Variants in SLC6A16 observed in about 807,000 individuals in gnomAD.
The protein encoded by SLC6A16 is solute carrier family 6 member 16.
SLC6A16 carries 54 observed loss-of-function variants against 65.4 expected under a neutral mutation model. The ratio of observed to expected loss-of-function variants is 0.83; its 90% CI spans 0.66 to 1.04. SLC6A16 has a LOEUF of 1.04. Among genes scored for constraint, SLC6A16 ranks in the 50% least tolerant of loss-of-function variants. The pLI is 0.00. For synonymous variants in SLC6A16, 330 were observed against 346.5 expected (o/e 0.95, Z 0.53); for missense variants, 816 against 914.0 (o/e 0.89, Z 1.38).
the SLC6A16 span, chr19:49,337,933 A>C: frequency 6.2e-7 from 1 of 1,614,052 alleles, no homozygotes; most frequent in Non-Finnish European, 8.5e-7. Context: ...AGCTGGAGCG[A>C]AGCTTGCGGG....
chr19:49,309,038 G>A lies in SLC6A16; in HGVS notation c.1067C>T (p.Ser356Phe). ...VLSNTGIGLG[S>F]VASLASYMPQ... ...CATGTAGGAGGCTAAGGAGGCAACG[G>A]AGCCAAGGCCTATGCCTGTGTTAGA... Residue 356 changes from serine to phenylalanine, a missense_variant, in exon 7 of 12, where the codon TCC becomes TTC. By Grantham distance (155) the Ser-to-Phe change is radical. Transcript: ENST00000335875. 2 of 1,614,224 alleles carry A rather than the reference G, an allele frequency of 1.2e-6. No homozygotes were observed. Among genetic ancestry groups the A allele is most frequent in the South Asian group, 1.1e-5 (1 of 91,088 alleles).
chr19:49,294,790 C>G (rs1970154180), intron 7 of SLC6A16, among the ~76,000 whole-genome samples: 1 of 152,122 alleles, frequency 6.6e-6, no homozygotes, highest in Non-Finnish European at 1.5e-5. Context: ...CTACAGTCTT[C>G]TTGGGGACTC....
chr19:49,299,546 A>AGAAAG (rs1555775035), intron 7 of SLC6A16, among the ~76,000 whole-genome samples: 2 of 126,500 alleles, frequency 1.6e-5, no homozygotes, highest in Admixed American at 8.6e-5. Context: ...AAAAAAAAAA[A>AGAAAG]AAAGAAAGAA....
upstream of SLC6A16, among the ~76,000 whole-genome samples, chr19:49,329,292 T>C (rs937689577): frequency 6.6e-6 from 1 of 152,028 alleles, no homozygotes; most frequent in African/African-American, 2.4e-5. Flanking sequence ...TTTCACTATG[T>C]TGGTCAGGCT....
intron 7 of SLC6A16, among the ~76,000 whole-genome samples, chr19:49,305,592 CAAAA>C (rs566209079): frequency 1.9e-5 from 2 of 107,026 alleles, no homozygotes; most frequent in Non-Finnish European, 1.9e-5. Flanking sequence ...AGATCTGTCT[CAAAA>C]AAAAAAAAAA....
At chr19:49,306,780 G>A (rs1403323571) in intron 7 of SLC6A16, among the ~76,000 whole-genome samples, 2 of 151,950 alleles carry the variant, frequency 1.3e-5, no homozygotes, top group Non-Finnish European at 2.9e-5. Flanking sequence ...CTGACCTCGT[G>A]ATCCATCTGC....
At chr19:49,291,738 T>A (rs193257617) in intron 10 of SLC6A16, among the ~76,000 whole-genome samples, 181 of 151,924 alleles carry the variant, frequency 1.2e-3, no homozygotes, top group African/African-American at 4.2e-3. Context: ...TAGTACATAT[T>A]CTCAATCTCA....
In SLC6A16 at chr19:49,295,153, C is replaced by T. The variant is rs116417878; in HGVS notation, c.1230-600G>A. ...TCTTCACTTGGCTAACTCCTACAAA[C>T]CCTTAAAAATTCAGCTCATTGATCG... On this transcript the variant is annotated intron_variant, in intron 7 of 11. Coordinates refer to ENST00000335875, the MANE Select transcript of SLC6A16 (RefSeq NM_014037.3). Among the ~76,000 whole-genome samples, 1,254 of 152,154 alleles carry T rather than the reference C, an allele frequency of 8.2e-3. 25 individuals carry two copies. The highest frequency in any genetic ancestry group is 0.029 in the African/African-American group (1,190 of 41,522).
At chr19:49,315,098 GA>G (rs1374094673) in intron 1 of SLC6A16, among the ~76,000 whole-genome samples, 1 of 151,732 alleles carries the variant, frequency 6.6e-6, no homozygotes, top group Non-Finnish European at 1.5e-5. Context: ...CATCATTTCT[GA>G]AAAATAGGTT....
At chr19:49,330,496 A>G in the SLC6A16 span, among the ~76,000 whole-genome samples, 1 of 152,224 alleles carries the variant, frequency 6.6e-6, no homozygotes, top group Admixed American at 6.5e-5. Context: ...GGACGATCCA[A>G]TGAAGATTGA....
At chr19:49,297,444 G>A (rs1472042625) in intron 7 of SLC6A16, among the ~76,000 whole-genome samples, 1 of 152,206 alleles carries the variant, frequency 6.6e-6, no homozygotes, top group Non-Finnish European at 1.5e-5. Context: ...TGACAAGGAT[G>A]TGGGACAACC....
At chr19:49,301,868 G>A (rs373201710) in intron 7 of SLC6A16, among the ~76,000 whole-genome samples, 3 of 152,120 alleles carry the variant, frequency 2.0e-5, no homozygotes, top group East Asian at 3.9e-4. Context: ...CAAGTGCTCT[G>A]AGCCAAGGAC....
intron 10 of SLC6A16, 151 bp downstream of exon 10, chr19:49,293,072 A>T: frequency 1.5e-6 from 1 of 646,780 alleles, no homozygotes; most frequent in Non-Finnish European, 2.6e-6. Flanking sequence ...TATATGTGAA[A>T]ATGGATGAAT....
rs775956584 is a variant in SLC6A16, at chr19:49,290,307, G to T, written c.2027C>A (p.Ala676Glu). The T allele has an allele frequency of 9.3e-6, 15 of 1,614,118 alleles. No individual in the cohort carries two copies. In the East Asian group the frequency reaches 3.1e-4, roughly 34 times the overall value. Residue 676 changes from alanine to glutamate, a missense_variant, in exon 12 of 12, where the codon GCA (alanine) becomes GAA (glutamate). Ala to Glu is a moderately radical substitution (Grantham distance 107, BLOSUM62 -1). Coordinates refer to ENST00000335875, the MANE Select transcript of SLC6A16 (RefSeq NM_014037.3). ...ATGTATGCGGCAGTATACAAAGTAT[G>T]CAGGGATGGGGAGGATGACAATGGC... is the stretch of plus-strand genomic sequence containing the variant. ...LFAIVILPIP[A>E]YFVYCRIHRI...
chr19:49,340,098 C>T, the SLC6A16 span: 1 of 1,529,600 alleles, frequency 6.5e-7, no homozygotes, highest in Non-Finnish European at 8.8e-7. Flanking sequence ...CGGCAGTTCC[C>T]GTCGAGCCCC....
the SLC6A16 span, chr19:49,335,636 G>T: frequency 6.2e-7 from 1 of 1,611,270 alleles, no homozygotes; most frequent in Non-Finnish European, 8.5e-7. This position sits in a 1 kb window ranked among gnomAD's most constrained non-coding sequence, Gnocchi z 4.6. Flanking sequence ...CTACCCAGCC[G>T]GGGCCCAGCC....
the SLC6A16 span, chr19:49,336,843 G>A: frequency 7.0e-6 from 11 of 1,581,760 alleles, no homozygotes; most frequent in Middle Eastern, 1.7e-4. Flanking sequence ...TGGCTGCCTA[G>A]GTGGGAAATG....
chr19:49,297,459 C>T (rs1164606543), intron 7 of SLC6A16, among the ~76,000 whole-genome samples: 2 of 152,206 alleles, frequency 1.3e-5, no homozygotes, highest in East Asian at 3.8e-4. Context: ...ACAACCAGAA[C>T]TCTCATACCA....
the SLC6A16 span, among the ~76,000 whole-genome samples, chr19:49,334,178 G>A: frequency 1.3e-5 from 2 of 152,246 alleles, no homozygotes; most frequent in Admixed American, 6.5e-5. Flanking sequence ...AAGTGGGGAA[G>A]GGGGAGACAG....
Sources: gnomAD v4.1 joint callset for allele counts (sites outside exome capture counted in the v4.1 genomes callset) on GRCh38, gnomAD v4.1.1 for gene constraint, Gnocchi (gnomAD v3.1) non-coding constraint, MANE v1.5 for transcripts, NCBI Gene and HGNC (gene_info 2026-07-23, HGNC 2026-07-21) for gene names.